The following TEP1 variants were observed in gnomAD, a reference collection of about 807,000 sequenced individuals.
TEP1 encodes telomerase associated protein 1, also known as telomerase protein component 1.
A neutral mutation model predicts 306.3 loss-of-function variants in TEP1; 241 were observed. The observed-to-expected ratio is 0.79, with a 90% CI of 0.71 to 0.88. The LOEUF (loss-of-function observed/expected upper bound fraction) is 0.88. Ranked by LOEUF, TEP1 falls within the 40% of genes least tolerant of loss-of-function variation. The pLI, the probability that TEP1 is intolerant of heterozygous loss-of-function variation, is 0.00. For synonymous variants in TEP1, 1,289 were observed against 1,305.5 expected (o/e 0.99, Z 0.27); for missense variants, 3,051 against 3,276.1 (o/e 0.93, Z 1.68).
At chr14:20,389,446 G>C (rs1034181039) in intron 16 of TEP1, 149 bp from the exon 17 acceptor site, 2 of 1,411,478 alleles carry the variant, frequency 1.4e-6, no homozygotes, top group African/African-American at 2.8e-5. Flanking sequence ...CTCACAGAGG[G>C]GTACAGAGTT....
rs975605149 is a variant in TEP1, at chr14:20,386,585, C to T, written c.2723G>A (p.Arg908Gln). Residue 908 changes from arginine (R) to glutamine (Q), a missense_variant, in exon 19 of 55, where the codon CGA becomes CAA. By Grantham distance (43) the Arg-to-Gln change is conservative. Transcript: ENST00000262715. The stretch of plus-strand genomic sequence containing the variant: ...CAGGTCCCGCTCCCCATGCATGTCT[C>T]GGAAAGTGGATGAAATGAAAAGCCG... ...SIRLFISSTF[R>Q]DMHGERDLLL... 6.2e-6 allele frequency: 10 copies of T among 1,607,984 alleles called. No homozygotes were observed. Among genetic ancestry groups the T allele is most frequent in the Non-Finnish European group, 8.5e-6 (10 of 1,175,662 alleles).
chr14:20,369,196 G>C (rs181095772), intron 53 of TEP1, 148 bp downstream of exon 53: 4 of 800,418 alleles, frequency 5.0e-6, no homozygotes, highest in Non-Finnish European at 8.0e-6. Flanking sequence ...TTTTAGTAGA[G>C]ATGGGGTTTC....
At chr14:20,404,547 G>A (rs1879016531) in intron 5 of TEP1, 64 bp downstream of exon 5, 2 of 1,542,018 alleles carry the variant, frequency 1.3e-6, no homozygotes, top group Admixed American at 4.0e-5. Flanking sequence ...TTTCTCCAAG[G>A]ATGCAGTGAG....
chr14:20,385,235 T>A, intron 20 of TEP1, 126 bp from the exon 21 acceptor site: 1 of 1,202,478 alleles, frequency 8.3e-7, no homozygotes, highest in Non-Finnish European at 1.2e-6. Context: ...GCACAAGCAA[T>A]AAAATATAGC....
At chr14:20,389,204 G>A in intron 17 of TEP1, 34 bp downstream of exon 17, 3 of 1,593,644 alleles carry the variant, frequency 1.9e-6, no homozygotes, top group Non-Finnish European at 2.6e-6. Context: ...TTCCAACAAA[G>A]TATCCAACCC....
chr14:20,386,498 T>A lies in TEP1; in HGVS notation c.2810A>T (p.His937Leu). 1 of 1,612,558 alleles carries A rather than the reference T, an allele frequency of 6.2e-7. No individual in the cohort carries two copies. Among genetic ancestry groups the A allele is most frequent in the Non-Finnish European group, 8.5e-7 (1 of 1,179,268 alleles). ...ARAAPHRISL[H>L]GIDLRWGVTE... Reference sequence around the variant, plus strand: ...GACGCCCCAGCGGAGGTCGATTCCGTGAAGGCTGATACGGTGAGGGGCCGC... The same window carrying A: ...GACGCCCCAGCGGAGGTCGATTCCGAGAAGGCTGATACGGTGAGGGGCCGC... Residue 937 changes from histidine to leucine, a missense_variant, in exon 19 of 55, where the codon CAC becomes CTC. His to Leu is a moderately conservative substitution (Grantham distance 99). Transcript: ENST00000262715.
intron 13 of TEP1, 118 bp downstream of exon 13, chr14:20,391,481 T>A: frequency 1.7e-6 from 2 of 1,196,468 alleles, no homozygotes; most frequent in Non-Finnish European, 1.2e-6. Flanking sequence ...CAAATTCATA[T>A]CATTTATTTC....
intron 4 of TEP1, 99 bp downstream of exon 4, chr14:20,405,352 A>T: frequency 7.6e-7 from 1 of 1,314,700 alleles, no homozygotes; most frequent in South Asian, 1.4e-5. Flanking sequence ...AGCTCCTCCC[A>T]CCCCCAACAT....
chr14:20,408,832 TA>T (rs954103877), intron 1 of TEP1, among the ~76,000 whole-genome samples: 25 of 140,364 alleles, frequency 1.8e-4, no homozygotes, highest in South Asian at 1.6e-3. Context: ...AAATATTTCT[TA>T]AAAAAAAAAA....
chr14:20,395,897 T>C lies in TEP1; in HGVS notation c.1712A>G (p.Asp571Gly), dbSNP rs201683191. ...QFPFRFLNAH[D>G]AIDALEAQLR... ...TTGAGCCTCGAGGGCATCAATGGCA[T>C]CATGGGCGTTAAGAAATCTGAATGG... is the stretch of plus-strand genomic sequence containing the variant. Residue 571 changes from aspartate (D) to glycine (G), a missense_variant, in exon 11 of 55, where the codon GAT (aspartate) becomes GGT (glycine). By Grantham distance (94) the Asp-to-Gly change is moderately conservative. Coordinates refer to ENST00000262715, the MANE Select transcript of TEP1 (RefSeq NM_007110.5). 37 of 1,614,032 alleles carry C rather than the reference T, an allele frequency of 2.3e-5. No homozygotes were observed. In the East Asian group the frequency reaches 8.2e-4, roughly 36 times the overall value.
rs1010900954 is a variant in TEP1, at chr14:20,366,508, T to G, written c.*1929A>C. 6.6e-6 allele frequency: 1 copy of G among 152,190 alleles called. No individual in the cohort carries two copies. Among genetic ancestry groups the G allele is most frequent in the Non-Finnish European group, 1.5e-5 (1 of 68,032 alleles). The allele number at this position is 152,190 out of a possible 1,614,324, so 9.4% of individuals were successfully genotyped here. A position where few individuals can be genotyped will look rare whatever the true frequency, so the allele number is the denominator to read the frequency against. The stretch of plus-strand genomic sequence containing the variant: ...GGTCCAGAAGGTATATTTCGAGGCT[T>G]GGCATGAGGCACATAAGAGAAGACA... On this transcript the variant is annotated 3_prime_UTR_variant, in exon 55 of 55. Transcript: ENST00000262715.
rs773512909 is a variant in TEP1 at position 20,383,733 on chromosome 14, G to C, written c.3710+10C>G. 1.9e-6 allele frequency: 3 copies of C among 1,610,454 alleles called. No individual in the cohort carries two copies. The highest frequency in any genetic ancestry group is 2.5e-6 in the Non-Finnish European group (3 of 1,178,552). ...CATCAACAAGGCTGGGCTCATTGGG[G>C]GATACCCACCGGTAGGTGCTGGGGA... On this transcript the variant is annotated intron_variant, in intron 25 of 54. Transcript: ENST00000262715.
At chr14:20,388,972 A>T (rs975871711) in intron 17 of TEP1, among the ~76,000 whole-genome samples, 5 of 152,064 alleles carry the variant, frequency 3.3e-5, no homozygotes, top group African/African-American at 1.2e-4. Context: ...ACATGGTGAA[A>T]CCCCGTCTCT....
At chr14:20,376,064 A>G (rs1377909634) in intron 42 of TEP1, 40 bp downstream of exon 42, 2 of 1,598,430 alleles carry the variant, frequency 1.3e-6, no homozygotes, top group Non-Finnish European at 1.7e-6. Context: ...GGAACTAGAG[A>G]GGCTATGGGA....
intron 35 of TEP1, 119 bp from the exon 36 acceptor site, chr14:20,379,224 C>G (rs549147449): frequency 7.5e-7 from 1 of 1,342,016 alleles, no homozygotes. Flanking sequence ...CCTTGGCTCT[C>G]TATGTTCCAA....
rs753211124 is a variant in TEP1 at position 20,407,967 on chromosome 14, C to T, written c.473G>A (p.Arg158Lys). The part of the protein sequence containing the change: ...NCLLSEPPSW[R>K]AQHFSKGLDL... The stretch of plus-strand genomic sequence containing the variant: ...TAGTCCCTTAGAGAAATGCTGAGCC[C>T]TCCAACTTGGAGGCTCAGAGAGCAG... The change falls in exon 2 of 55, where the codon AGG (arginine) becomes AAG (lysine). Residue 158 changes from arginine to lysine, a missense_variant. By Grantham distance (26) the Arg-to-Lys change is conservative. This residue lies in a region of TEP1 where 1,507 missense variants were observed against 1,550.5 expected (regional missense o/e 0.97). Transcript: ENST00000262715. 5.2e-5 allele frequency: 84 copies of T among 1,614,078 alleles called. 1 individual carries two copies. Among genetic ancestry groups the T allele is most frequent in the Non-Finnish European group, 1.0e-5 (12 of 1,180,060 alleles).
chr14:20,384,488 C>T lies in TEP1; in HGVS notation c.3242G>A (p.Gly1081Asp), dbSNP rs931480989. 3.1e-6 allele frequency: 5 copies of T among 1,613,412 alleles called. No individual in the cohort carries two copies. The African/African-American group carries it at 6.7e-5, about 22-fold the overall frequency. The change falls in exon 23 of 55, where the codon GGT becomes GAT. Residue 1081 changes from glycine to aspartate, a missense_variant. Gly to Asp is a moderately conservative substitution (Grantham distance 94). Coordinates refer to ENST00000262715, the MANE Select transcript of TEP1 (RefSeq NM_007110.5). ...AACATAGGGCCGGCCAGCTGCCACA[C>T]CCCCCCACTCACAGGGGTATCTGTG... is the stretch of plus-strand genomic sequence containing the variant. ...TCRRYPCEWG[G>D]VAAGRPYVGG...
chr14:20,396,801 C>T (rs1878244102), intron 9 of TEP1, 71 bp from the exon 10 acceptor site: 1 of 1,099,842 alleles, frequency 9.1e-7, no homozygotes, highest in Non-Finnish European at 1.3e-6. Flanking sequence ...CACCTATAAT[C>T]TCAGCTACCA....
chr14:20,375,893 G>A (rs372203753), intron 42 of TEP1, 25 bp from the exon 43 acceptor site: 451 of 1,578,850 alleles, frequency 2.9e-4, no homozygotes, highest in Non-Finnish European at 3.6e-4. Flanking sequence ...AGGAGAGGGA[G>A]CAATCAGGAC....
Sources: allele counts gnomAD v4.1 joint callset (sites outside exome capture counted in the v4.1 genomes callset), GRCh38; gene constraint gnomAD v4.1.1; regional missense constraint gnomAD v4.1.1; transcripts MANE v1.5; gene names NCBI Gene and HGNC (gene_info 2026-07-23, HGNC 2026-07-21).